Variants in PCTP observed in about 807,000 individuals in gnomAD.
PCTP encodes the protein START domain-containing protein 2.
A neutral mutation model predicts 31.0 loss-of-function variants in PCTP; 27 were observed. That is an observed-to-expected ratio of 0.87 (90% confidence interval 0.64 to 1.20). The LOEUF (loss-of-function observed/expected upper bound fraction) is 1.20, where lower values mean the gene tolerates loss of function less well. Ranked by LOEUF, PCTP falls within the 50% of genes most tolerant of loss-of-function variation. The pLI, the probability that PCTP is intolerant of heterozygous loss-of-function variation, is 0.00. For synonymous variants in PCTP, 108 were observed against 101.2 expected (o/e 1.07, Z -0.40); for missense variants, 287 against 268.2 (o/e 1.07, Z -0.49).
intron 3 of PCTP, among the ~76,000 whole-genome samples, chr17:55,789,615 A>G (rs191033783): frequency 1.1e-4 from 16 of 152,256 alleles, no homozygotes; most frequent in Admixed American, 1.3e-4. Context: ...AAGGCTTCCT[A>G]AATCCCTTCC....
At chr17:55,789,757 T>C (rs1399522319) in intron 3 of PCTP, among the ~76,000 whole-genome samples, 2 of 152,202 alleles carry the variant, frequency 1.3e-5, no homozygotes, top group Admixed American at 6.5e-5. Context: ...CTTCTGAAAC[T>C]GTTCCAATCA....
At chr17:55,782,319 C>T (rs1911593519), downstream of PCTP, among the ~76,000 whole-genome samples, 1 of 152,174 alleles carries the variant, frequency 6.6e-6, no homozygotes, top group Admixed American at 6.5e-5. Flanking sequence ...TACCAAATAT[C>T]TGGACAGCCC....
intron 5 of PCTP, among the ~76,000 whole-genome samples, chr17:55,833,299 C>G (rs1422202513): frequency 2.0e-5 from 3 of 152,182 alleles, no homozygotes; most frequent in Non-Finnish European, 4.4e-5. Context: ...TGGAATCCAG[C>G]ATCTTTTCTG....
At chr17:55,836,008 TAA>T (rs1040265624) in intron 5 of PCTP, among the ~76,000 whole-genome samples, 6 of 152,144 alleles carry the variant, frequency 3.9e-5, no homozygotes, top group African/African-American at 1.4e-4. Context: ...AAGGCAAAAA[TAA>T]AAAGTGTCTA....
At chr17:55,791,609 C>G (rs1270514231) in intron 3 of PCTP, among the ~76,000 whole-genome samples, 2 of 149,400 alleles carry the variant, frequency 1.3e-5, no homozygotes, top group African/African-American at 4.9e-5. Context: ...CAATGAGATA[C>G]CATCTCACAC....
At chr17:55,797,596 T>C (rs1185610397) in intron 3 of PCTP, among the ~76,000 whole-genome samples, 2 of 152,010 alleles carry the variant, frequency 1.3e-5, no homozygotes, top group African/African-American at 4.8e-5. Context: ...CTTACTTGCC[T>C]CATGTTAGTC....
chr17:55,844,853 C>T (rs938348878), downstream of PCTP, among the ~76,000 whole-genome samples: 5 of 151,860 alleles, frequency 3.3e-5, no homozygotes, highest in African/African-American at 1.2e-4. Flanking sequence ...ACTTTGGGAG[C>T]CCGAGGCGGG....
intron 2 of PCTP, among the ~76,000 whole-genome samples, chr17:55,785,765 G>A (rs758521028): frequency 2.0e-5 from 3 of 152,190 alleles, no homozygotes; most frequent in Non-Finnish European, 2.9e-5. Context: ...TGGTGAACAA[G>A]ATGGACATGC....
chr17:55,798,714 A>G (rs1008864030), intron 3 of PCTP, among the ~76,000 whole-genome samples: 2 of 151,960 alleles, frequency 1.3e-5, no homozygotes, highest in African/African-American at 2.4e-5. Flanking sequence ...ACAGAGTTAT[A>G]GTACATAAAA....
intron 1 of PCTP, chr17:55,751,612 C>A: frequency 2.5e-6 from 1 of 402,326 alleles, no homozygotes; most frequent in Non-Finnish European, 4.4e-6. Flanking sequence ...CATATGGGGG[C>A]TGGGGTGGGG....
intron 3 of PCTP, among the ~76,000 whole-genome samples, chr17:55,798,219 A>G (rs1912248836): frequency 6.6e-6 from 1 of 152,056 alleles, no homozygotes; most frequent in Admixed American, 6.6e-5. Flanking sequence ...AGGGTCTAAG[A>G]GATATATGGG....
At chr17:55,804,874 A>C (rs1912526806) in intron 3 of PCTP, among the ~76,000 whole-genome samples, 1 of 152,148 alleles carries the variant, frequency 6.6e-6, no homozygotes, top group African/African-American at 2.4e-5. Flanking sequence ...AAAAAATTGA[A>C]AAGATGGCAT....
intron 3 of PCTP, among the ~76,000 whole-genome samples, chr17:55,813,607 G>A (rs1161717699): frequency 1.3e-5 from 2 of 152,262 alleles, no homozygotes; most frequent in East Asian, 3.9e-4. Flanking sequence ...GAGCCACCGT[G>A]CCTGGCCAGA....
chr17:55,762,620 G>A (rs1910399430), intron 1 of PCTP, among the ~76,000 whole-genome samples: 3 of 152,178 alleles, frequency 2.0e-5, no homozygotes, highest in Non-Finnish European at 2.9e-5. Flanking sequence ...AAATAGGTCA[G>A]AGTTCTACCT....
chr17:55,778,512 A>G (rs1324923287), downstream of PCTP, among the ~76,000 whole-genome samples: 2 of 151,938 alleles, frequency 1.3e-5, no homozygotes, highest in Admixed American at 6.6e-5. Flanking sequence ...GAGAAGATTG[A>G]CCAAATGGCA....
intron 5 of PCTP, among the ~76,000 whole-genome samples, chr17:55,836,345 TA>T (rs1476688868): frequency 6.6e-6 from 1 of 152,190 alleles, no homozygotes; most frequent in Non-Finnish European, 1.5e-5. Flanking sequence ...CACTGTAAAC[TA>T]AAAAAGAGTG....
intron 3 of PCTP, 31 bp from the exon 4 acceptor site, chr17:55,773,693 C>A: frequency 1.9e-6 from 3 of 1,582,264 alleles, no homozygotes; most frequent in South Asian, 1.1e-5. Context: ...ACAATGCTGG[C>A]GTTGGTGTCT....
chr17:55,829,689 AACACACAC>A (rs3083340), intron 5 of PCTP, among the ~76,000 whole-genome samples: 265 of 146,228 alleles, frequency 1.8e-3, no homozygotes, highest in African/African-American at 6.3e-3. Context: ...TAATAATTTA[AACACACAC>A]ACACACACAC....
chr17:55,775,833 AGTTCCT>A, intron 5 of PCTP, 196 bp from the exon 6 acceptor site: 2 of 1,298,002 alleles, frequency 1.5e-6, no homozygotes, highest in South Asian at 5.2e-5. Flanking sequence ...TTGCAACAGA[AGTTCCT>A]GTTGACTGGT....
Sources: allele counts gnomAD v4.1 joint callset (sites outside exome capture counted in the v4.1 genomes callset), GRCh38; gene constraint gnomAD v4.1.1; transcripts MANE v1.5; gene names NCBI Gene and HGNC (gene_info 2026-07-23, HGNC 2026-07-21).